Variants in XXYLT1 observed in about 807,000 individuals in gnomAD.
XXYLT1 encodes xyloside xylosyltransferase 1, also known as UDP-xylose:alpha-xyloside alpha-1,3-xylosyltransferase.
In XXYLT1, 20 loss-of-function variants were observed where a neutral mutation model predicts 28.9. The ratio of observed to expected loss-of-function variants is 0.69; its 90% CI spans 0.49 to 1.00. The LOEUF (loss-of-function observed/expected upper bound fraction) is 1.00. Ranked by LOEUF, XXYLT1 falls within the 50% of genes least tolerant of loss-of-function variation. The pLI, the probability that XXYLT1 is intolerant of heterozygous loss-of-function variation, is 0.00. For missense variants in XXYLT1, 542 were observed against 560.1 expected, an observed-to-expected ratio of 0.97 and a Z score of 0.33; for synonymous variants, 257 against 253.8, an observed-to-expected ratio of 1.01 and a Z score of -0.12.
chr3:195,137,155 TGAAGG>T (rs1353056426), intron 3 of XXYLT1, among the ~76,000 whole-genome samples: 1 of 152,018 alleles, frequency 6.6e-6, no homozygotes, highest in Admixed American at 6.6e-5. Context: ...GAAGGGGCAC[TGAAGG>T]GAAGAAAAAA....
chr3:195,110,173 AG>A (rs1717457176), intron 3 of XXYLT1, among the ~76,000 whole-genome samples: 6 of 11,378 alleles, frequency 5.3e-4, no homozygotes, highest in South Asian at 6.5e-3. Context: ...GTGGTGTCTG[AG>A]TATGTGTGTG....
chr3:195,150,261 A>C lies in XXYLT1; in HGVS notation c.785+6188T>G, dbSNP rs1027280543. ...AATCTCCATTTCTCATGAGCTAAAG[A>C]GACTAAGGCTCAGAGACGTCAAGAG... On this transcript the variant is annotated intron_variant, in intron 3 of 3. Transcript: ENST00000310380. This position sits in a 1 kb window ranked among gnomAD's most constrained non-coding sequence, Gnocchi z 4.7. 6.6e-6 allele frequency among the ~76,000 whole-genome samples: 1 copy of C among 152,202 alleles called. No homozygotes were observed. The highest frequency in any genetic ancestry group is 3.2e-3 in the Middle Eastern group (1 of 316).
At chr3:195,097,375 C>A (rs1716508008) in intron 3 of XXYLT1, among the ~76,000 whole-genome samples, 1 of 152,120 alleles carries the variant, frequency 6.6e-6, no homozygotes, top group South Asian at 2.1e-4. Context: ...ATGGCAAATG[C>A]GTATCAACAC....
rs947155157 is a variant in XXYLT1 at position 195,264,276 on chromosome 3, G to C, written c.504+6279C>G. 9.8e-5 allele frequency among the ~76,000 whole-genome samples: 15 copies of C among 152,368 alleles called. No individual in the cohort carries two copies. In the South Asian group the frequency reaches 3.1e-3, roughly 32 times the overall value. On this transcript the variant is annotated intron_variant, in intron 1 of 3. Coordinates refer to ENST00000310380, the MANE Select transcript of XXYLT1 (RefSeq NM_152531.5). The stretch of plus-strand genomic sequence containing the variant: ...AGGTAGGTAAGGTCTCTGCCTTCTG[G>C]AGATTACCTTCCAGGAGGGAGACAG...
chr3:195,084,993 C>T (rs1481162887), intron 3 of XXYLT1, among the ~76,000 whole-genome samples: 2 of 152,212 alleles, frequency 1.3e-5, no homozygotes, highest in Non-Finnish European at 2.9e-5. Context: ...CACTTCCAGA[C>T]CCTCGAAATG....
intron 2 of XXYLT1, among the ~76,000 whole-genome samples, chr3:195,194,978 T>C (rs1722565540): frequency 6.6e-6 from 1 of 152,144 alleles, no homozygotes; most frequent in Non-Finnish European, 1.5e-5. Context: ...CACCGAATTG[T>C]GGTCGTGGTT....
At position 195,078,066 on chromosome 3, in the gene XXYLT1, G is replaced by A. The variant is rs1715223349; in HGVS notation, c.786-7955C>T. On this transcript the variant is annotated intron_variant, in intron 3 of 3. Transcript: ENST00000310380. This position sits in a 1 kb window ranked among gnomAD's most constrained non-coding sequence, Gnocchi z 5.0. ...GAGGCAGTGGAGGGGCTTTAAGCCT[G>A]GATCCCTACTCAGACGGCGGAGCCA... is the stretch of plus-strand genomic sequence containing the variant. 6.6e-6 allele frequency among the ~76,000 whole-genome samples: 1 copy of A among 152,148 alleles called. No individual in the cohort carries two copies. The highest frequency in any genetic ancestry group is 2.1e-4 in the South Asian group (1 of 4,834).
intron 3 of XXYLT1, among the ~76,000 whole-genome samples, chr3:195,117,643 A>C (rs370815981): frequency 6.6e-6 from 1 of 151,798 alleles, no homozygotes. Context: ...AACTCCATGC[A>C]CCCCCCTCTC....
chr3:195,226,913 A>C, intron 1 of XXYLT1, 57 bp from the exon 2 acceptor site: 5 of 1,580,712 alleles, frequency 3.2e-6, no homozygotes, highest in Non-Finnish European at 4.3e-6. Flanking sequence ...CTGCAAGCTC[A>C]ACACCCAACA....
intron 1 of XXYLT1, among the ~76,000 whole-genome samples, chr3:195,252,727 C>CACAGAGAG (rs1191544595): frequency 8.4e-6 from 1 of 119,010 alleles, no homozygotes; most frequent in African/African-American, 4.0e-5. Context: ...CACACACACA[C>CACAGAGAG]AGAGAGAGAG....
chr3:195,187,062 T>A (rs542917449), intron 2 of XXYLT1, among the ~76,000 whole-genome samples: 1 of 150,808 alleles, frequency 6.6e-6, no homozygotes, highest in South Asian at 2.1e-4. Context: ...GCCCAGCTAA[T>A]TTTTATATTT....
At chr3:195,134,939 C>G (rs1329356050) in intron 3 of XXYLT1, among the ~76,000 whole-genome samples, 1 of 151,762 alleles carries the variant, frequency 6.6e-6, no homozygotes, top group East Asian at 1.9e-4. Context: ...TAAATAAGAG[C>G]TTTTCTGTAA....
intron 3 of XXYLT1, among the ~76,000 whole-genome samples, chr3:195,084,934 T>C (rs932353718): frequency 1.3e-5 from 2 of 152,176 alleles, no homozygotes; most frequent in African/African-American, 2.4e-5. Context: ...CAGCAGCTCC[T>C]GCCAGTTGCA....
At position 195,223,862 on chromosome 3, in the gene XXYLT1, A is replaced by G. The variant is rs111553891; in HGVS notation, c.652+2847T>C. On this transcript the variant is annotated intron_variant, in intron 2 of 3. Transcript: ENST00000310380. ...TAGGAAAAGGCTTTGGGGCACATGT[A>G]AAAATGAATTGCTGCCGGGCGCGGT... Among the ~76,000 whole-genome samples the G allele has an allele frequency of 6.6e-3, 1,006 of 152,344 alleles. 10 individuals are homozygous for G. The highest frequency in any genetic ancestry group is 0.023 in the African/African-American group (953 of 41,580).
At position 195,269,116 on chromosome 3, in the gene XXYLT1, G is replaced by A. The variant is rs578171633; in HGVS notation, c.504+1439C>T. Among the ~76,000 whole-genome samples, 8 of 152,362 alleles carry A rather than the reference G, an allele frequency of 5.3e-5. No homozygotes were observed. The South Asian group carries it at 8.3e-4, about 16-fold the overall frequency. On this transcript the variant is annotated intron_variant, in intron 1 of 3. Transcript: ENST00000310380. Reference sequence around the variant, plus strand: ...CTGGCTGTGCAGCTAGCGCTGCAGCGGGAGCTGGGGACAAGGGGACAGAGA... The same window carrying A: ...CTGGCTGTGCAGCTAGCGCTGCAGCAGGAGCTGGGGACAAGGGGACAGAGA...
At chr3:195,117,112 T>TACACACACAC (rs1486706894) in intron 3 of XXYLT1, among the ~76,000 whole-genome samples, 6 of 30,258 alleles carry the variant, frequency 2.0e-4, no homozygotes, top group Non-Finnish European at 3.2e-4. Flanking sequence ...ATATATAGTG[T>TACACACACAC]ATACACACAC....
rs915061830 is a variant in XXYLT1, at chr3:195,133,954, G to A, written c.785+22495C>T. The stretch of plus-strand genomic sequence containing the variant: ...TGGCTGGGTGTGGAGGCTCATGCCT[G>A]TAATCCTGGCACTTTGGGAGGCTGA... On this transcript the variant is annotated intron_variant, in intron 3 of 3. Transcript: ENST00000310380. The surrounding 1 kb of genome is among the most constrained non-coding windows in gnomAD (Gnocchi z 4.4). Among the ~76,000 whole-genome samples, 3 of 152,186 alleles carry A rather than the reference G, an allele frequency of 2.0e-5. No individual in the cohort carries two copies. Among genetic ancestry groups the A allele is most frequent in the African/African-American group, 7.2e-5 (3 of 41,436 alleles).
intron 3 of XXYLT1, among the ~76,000 whole-genome samples, chr3:195,097,911 G>A (rs1428740267): frequency 6.6e-6 from 1 of 152,128 alleles, no homozygotes; most frequent in East Asian, 1.9e-4. Context: ...ACTGGTGGAG[G>A]GGAACCGAGA....
chr3:195,255,020 G>A lies in XXYLT1; in HGVS notation c.504+15535C>T, dbSNP rs1291547615. On this transcript the variant is annotated intron_variant, in intron 1 of 3. Coordinates refer to ENST00000310380, the MANE Select transcript of XXYLT1 (RefSeq NM_152531.5). This position sits in a 1 kb window ranked among gnomAD's most constrained non-coding sequence, Gnocchi z 4.5. ...ATTCCCACACCCGCTGCACAGGAAA[G>A]AGAAAGAAGTCAGACTCGGACCCTG... Among the ~76,000 whole-genome samples the A allele has an allele frequency of 3.9e-5, 6 of 152,152 alleles. No individual in the cohort carries two copies. Among genetic ancestry groups the A allele is most frequent in the Non-Finnish European group, 5.9e-5 (4 of 68,026 alleles).
Sources: allele counts gnomAD v4.1 joint callset (sites outside exome capture counted in the v4.1 genomes callset), GRCh38; gene constraint gnomAD v4.1.1; non-coding constraint Gnocchi (gnomAD v3.1); transcripts MANE v1.5; gene names NCBI Gene and HGNC (gene_info 2026-07-23, HGNC 2026-07-21).